CDK13: variants seen among roughly 807,000 people sequenced by gnomAD.
The protein encoded by CDK13 is cyclin-dependent kinase 13.
In CDK13, 40 loss-of-function variants were observed where a neutral mutation model predicts 137.6. That is an observed-to-expected ratio of 0.29 (90% CI 0.23 to 0.38). CDK13 has a LOEUF of 0.38. Among genes scored for constraint, CDK13 ranks in the 10% least tolerant of loss-of-function variants. CDK13 has a pLI of 1.00. For missense variants in CDK13, 1,704 were observed against 1,951.8 expected (o/e 0.87, Z 2.39); for synonymous variants, 869 against 760.1 (o/e 1.14, Z -2.36).
At chr7:40,014,523 C>T (rs984106729) in intron 5 of CDK13, among the ~76,000 whole-genome samples, 1 of 147,826 alleles carries the variant, frequency 6.8e-6, no homozygotes, top group Non-Finnish European at 1.5e-5. Context: ...ACAATCATCT[C>T]AGCTCACTGC....
intron 5 of CDK13, among the ~76,000 whole-genome samples, chr7:40,004,169 T>C (rs1343846178): frequency 6.6e-6 from 1 of 152,194 alleles, no homozygotes; most frequent in Non-Finnish European, 1.5e-5. Context: ...CAGTACTACT[T>C]GTGAATATAT....
chr7:40,043,289 T>C (rs1785655751), intron 5 of CDK13, among the ~76,000 whole-genome samples: 1 of 152,236 alleles, frequency 6.6e-6, no homozygotes, highest in Non-Finnish European at 1.5e-5. Flanking sequence ...ATTAGATATA[T>C]AACTGGGATT....
At chr7:40,043,496 C>A (rs1031809859) in intron 5 of CDK13, among the ~76,000 whole-genome samples, 4 of 152,020 alleles carry the variant, frequency 2.6e-5, no homozygotes, top group Non-Finnish European at 5.9e-5. Context: ...AGAGAAAAAC[C>A]ATTGGTCCTT....
At chr7:39,974,076 T>G (rs913161082) in intron 1 of CDK13, among the ~76,000 whole-genome samples, 5 of 152,230 alleles carry the variant, frequency 3.3e-5, no homozygotes, top group African/African-American at 1.2e-4. Flanking sequence ...TCTTGGCATT[T>G]TCAAATGAAT....
chr7:39,983,309 G>C (rs1273025334), intron 1 of CDK13, among the ~76,000 whole-genome samples: 2 of 152,092 alleles, frequency 1.3e-5, no homozygotes. Context: ...TTTCAGTAGA[G>C]ATGGGGTTTC....
Position 40,045,817 on chromosome 7 carries a change from T to G in CDK13, c.2354-19T>G, listed in dbSNP as rs746901611. On this transcript the variant is annotated intron_variant, in intron 5 of 13. Coordinates refer to ENST00000181839, the MANE Select transcript of CDK13 (RefSeq NM_003718.5). ...TTGTAGGAATAAGTTTCTAATGTAT[T>G]AATTATTCTCATTCTTAGGTGCATT... 6.6e-7 allele frequency: 1 copy of G among 1,524,782 alleles called. No individual in the cohort carries two copies. The highest frequency in any genetic ancestry group is 1.2e-5 in the South Asian group (1 of 86,316). The allele number at this position is 1,524,782 out of a possible 1,614,324, so 94.5% of individuals were successfully genotyped here. A position where few individuals can be genotyped will look rare whatever the true frequency, so the allele number is the denominator to read the frequency against.
At chr7:40,059,251 G>A (rs1786087607) in intron 7 of CDK13, 1 of 152,150 alleles carries the variant, frequency 6.6e-6, no homozygotes, top group Non-Finnish European at 1.5e-5. Flanking sequence ...GGTTTGTTGT[G>A]GATACGGTGC....
rs2116046570 is a variant in CDK13 at position 39,950,724 on chromosome 7, G to A, written c.83G>A (p.Arg28Gln). ...AAGAAGTTGGAGGAACGCCGCAAGC[G>A]GAGGCGATTCCTGTCCCCTCAGCAG... ...AEKKLEERRKRRRFLSPQQPP... is the reference protein window; with the variant it reads ...AEKKLEERRKQRRFLSPQQPP... Residue 28 changes from arginine to glutamine, a missense_variant, in exon 1 of 14, where the codon CGG becomes CAG. By Grantham distance (43) the Arg-to-Gln change is conservative. Coordinates refer to ENST00000181839, the MANE Select transcript of CDK13 (RefSeq NM_003718.5). 3 of 1,464,338 alleles carry A rather than the reference G, an allele frequency of 2.0e-6. No individual in the cohort carries two copies. The highest frequency in any genetic ancestry group is 3.0e-5 in the East Asian group (1 of 33,586). 90.7% of individuals were successfully genotyped at this position (1,464,338 alleles called of 1,614,324 possible).
At chr7:40,087,777 G>A (rs1786824928) in intron 11 of CDK13, among the ~76,000 whole-genome samples, 1 of 152,086 alleles carries the variant, frequency 6.6e-6, no homozygotes. Context: ...TCAAACTCCT[G>A]ACCTCAGATG....
At chr7:39,996,194 C>G (rs577065487) in intron 2 of CDK13, among the ~76,000 whole-genome samples, 1 of 152,032 alleles carries the variant, frequency 6.6e-6, no homozygotes, top group Non-Finnish European at 1.5e-5. Context: ...CAGTATTATT[C>G]AACACGAATA....
At chr7:40,043,846 AAAG>A (rs1785671668) in intron 5 of CDK13, among the ~76,000 whole-genome samples, 1 of 151,624 alleles carries the variant, frequency 6.6e-6, no homozygotes, top group Non-Finnish European at 1.5e-5. Flanking sequence ...AAAAAAAAGA[AAAG>A]AAAAATACAG....
intron 2 of CDK13, among the ~76,000 whole-genome samples, chr7:39,992,877 G>C (rs1438333130): frequency 6.6e-6 from 1 of 152,096 alleles, no homozygotes; most frequent in Non-Finnish European, 1.5e-5. Context: ...GAATATTTAA[G>C]AGGTGATTTT....
At chr7:39,991,486 TG>T (rs1784454234) in intron 2 of CDK13, among the ~76,000 whole-genome samples, 1 of 31,260 alleles carries the variant, frequency 3.2e-5, no homozygotes, top group African/African-American at 8.2e-5. Flanking sequence ...TTAGCAAAAG[TG>T]TGTGTGTGTG....
chr7:40,071,952 A>G (rs1786430953), intron 9 of CDK13: 1 of 152,202 alleles, frequency 6.6e-6, no homozygotes, highest in South Asian at 2.1e-4. Flanking sequence ...GTCCATGAAA[A>G]AAGCAGCTGC....
rs758160090 is a variant in CDK13, at chr7:39,951,631, G to A, written c.990G>A (p.Arg330=). The change falls in exon 1 of 14, where the codon AGG becomes AGA. Residue 330 remains arginine, a synonymous_variant. Coordinates refer to ENST00000181839, the MANE Select transcript of CDK13 (RefSeq NM_003718.5). ...GGRDDSPVSH[R]ASQSLRSRKS... is the part of the protein sequence containing the mutation. ...GGGACGACAGCCCGGTGTCCCACAG[G>A]GCCTCTCAGAGCCTGAGGAGCCGCA... 13 of 1,486,380 alleles carry A rather than the reference G, an allele frequency of 8.7e-6. No individual in the cohort carries two copies. The highest frequency in any genetic ancestry group is 1.2e-5 in the Non-Finnish European group (13 of 1,122,638). 92.1% of individuals were successfully genotyped at this position (1,486,380 alleles called of 1,614,324 possible).
At chr7:39,969,777 A>G (rs1209222818) in intron 1 of CDK13, among the ~76,000 whole-genome samples, 1 of 151,978 alleles carries the variant, frequency 6.6e-6, no homozygotes, top group Non-Finnish European at 1.5e-5. Flanking sequence ...TGTTGAGTAT[A>G]CTTCCATATG....
rs72210233 is a variant in CDK13, at chr7:39,996,961, C to CAAA, written c.1872-520_1872-518dup. Among the ~76,000 whole-genome samples the CAAA allele has an allele frequency of 3.7e-3, 309 of 83,032 alleles. 31 individuals carry two copies. The highest frequency in any genetic ancestry group is 5.3e-3 in the African/African-American group (68 of 12,720). 54.5% of individuals were successfully genotyped at this position (83,032 alleles called of 152,430 possible). A position where few individuals can be genotyped will look rare whatever the true frequency, so the allele number is the denominator to read the frequency against. ...CTTGGGTGACAGTGAGATTCCATCT[C>CAAA]AAAAAAAAAAAAAAAGAAAAAAAAA... On this transcript the variant is annotated intron_variant, in intron 2 of 13. Coordinates refer to ENST00000181839, the MANE Select transcript of CDK13 (RefSeq NM_003718.5).
intron 9 of CDK13, among the ~76,000 whole-genome samples, chr7:40,075,436 T>C (rs888282310): frequency 5.3e-4 from 80 of 151,974 alleles, no homozygotes; most frequent in Middle Eastern, 3.5e-3. Flanking sequence ...ACATCACATA[T>C]GATAAAATAA....
At chr7:40,092,679 C>G (rs1276987639) in intron 12 of CDK13, 106 bp from the exon 13 acceptor site, 5 of 730,546 alleles carry the variant, frequency 6.8e-6, no homozygotes, top group Non-Finnish European at 1.1e-5. Context: ...CTTAAATACT[C>G]TCCCTCAAAT....
Sources: allele counts gnomAD v4.1 joint callset (sites outside exome capture counted in the v4.1 genomes callset), GRCh38; gene constraint gnomAD v4.1.1; transcripts MANE v1.5; gene names NCBI Gene and HGNC (gene_info 2026-07-23, HGNC 2026-07-21).